Variants in LINGO2 observed in about 807,000 individuals in gnomAD.
The protein encoded by LINGO2 is leucine-rich repeat and immunoglobulin-like domain-containing nogo receptor-interacting protein 2.
A neutral mutation model predicts 30.6 loss-of-function variants in LINGO2; 14 were observed. That is an observed-to-expected ratio of 0.46 (90% CI 0.30 to 0.72). The LOEUF is 0.72. Among genes scored for constraint, LINGO2 ranks in the 30% least tolerant of loss-of-function variants. LINGO2 has a pLI of 0.07. For synonymous variants in LINGO2, 317 were observed against 288.5 expected (o/e 1.10, Z -1.00); for missense variants, 729 against 751.7 (o/e 0.97, Z 0.35).
chr9:28,743,552 G>A, the LINGO2 span, among the ~76,000 whole-genome samples: 1 of 151,930 alleles, frequency 6.6e-6, no homozygotes, highest in Non-Finnish European at 1.5e-5. Context: ...ATTTTTAAAA[G>A]GTAGTTTTGC....
the LINGO2 span, among the ~76,000 whole-genome samples, chr9:29,165,993 T>C: frequency 2.0e-5 from 3 of 152,126 alleles, no homozygotes; most frequent in African/African-American, 7.2e-5. Context: ...TGTATGTGTC[T>C]GTGTGTGTAC....
intron 3 of LINGO2, among the ~76,000 whole-genome samples, chr9:28,362,140 T>C (rs1820470400): frequency 1.3e-5 from 2 of 152,228 alleles, no homozygotes; most frequent in Admixed American, 6.5e-5. Flanking sequence ...TGCAATTTCA[T>C]AAAGGTCCAC....
chr9:28,855,620 T>C, the LINGO2 span, among the ~76,000 whole-genome samples: 1 of 151,834 alleles, frequency 6.6e-6, no homozygotes, highest in South Asian at 2.1e-4. Flanking sequence ...TTGATACACA[T>C]GCCAAAGAAA....
At position 28,647,700 on chromosome 9, in the gene LINGO2, G is replaced by C. The variant is rs375887661; in HGVS notation, c.-365+22500C>G. On this transcript the variant is annotated intron_variant, in intron 1 of 5. Coordinates refer to ENST00000379992, the Ensembl canonical transcript of LINGO2. ...TATGTAAAGGTTATCTTGCCCTTCA[G>C]GGATTCAAAAATAACTAGCCTTTGA... is the stretch of plus-strand genomic sequence containing the variant. Among the ~76,000 whole-genome samples the C allele has an allele frequency of 3.9e-5, 6 of 152,004 alleles. No individual in the cohort carries two copies. In the East Asian group the frequency reaches 7.7e-4, roughly 20 times the overall value.
intron 3 of LINGO2, among the ~76,000 whole-genome samples, chr9:28,308,847 G>C (rs1182141064): frequency 6.6e-6 from 1 of 152,126 alleles, no homozygotes; most frequent in Non-Finnish European, 1.5e-5. Context: ...ACCATCACTG[G>C]CCATCAGAGA....
the LINGO2 span, among the ~76,000 whole-genome samples, chr9:29,102,395 T>A: frequency 1.3e-5 from 2 of 152,112 alleles, no homozygotes; most frequent in Admixed American, 6.6e-5. Flanking sequence ...TGCAGCTTTT[T>A]AAAAAAATAA....
chr9:29,172,534 T>C, the LINGO2 span, among the ~76,000 whole-genome samples: 1 of 151,972 alleles, frequency 6.6e-6, no homozygotes, highest in African/African-American at 2.4e-5. Context: ...AGGTTTTAAA[T>C]TTCGGTCACT....
At chr9:28,444,784 G>C (rs1824357966) in intron 2 of LINGO2, among the ~76,000 whole-genome samples, 3 of 152,174 alleles carry the variant, frequency 2.0e-5, no homozygotes, top group Admixed American at 2.0e-4. Context: ...CAGTATGCCT[G>C]GCTGTGTGCA....
At chr9:28,243,742 A>G (rs899146665) in intron 4 of LINGO2, among the ~76,000 whole-genome samples, 2 of 152,190 alleles carry the variant, frequency 1.3e-5, no homozygotes, top group African/African-American at 4.8e-5. Flanking sequence ...GCGTTACATA[A>G]TGGTAAAGAG....
At chr9:29,143,979 C>A in the LINGO2 span, among the ~76,000 whole-genome samples, 3 of 152,148 alleles carry the variant, frequency 2.0e-5, no homozygotes, top group Admixed American at 2.0e-4. Flanking sequence ...TGTCAATTTT[C>A]TGCATATGGC....
the LINGO2 span, among the ~76,000 whole-genome samples, chr9:29,115,849 C>G: frequency 6.6e-6 from 1 of 151,926 alleles, no homozygotes; most frequent in Non-Finnish European, 1.5e-5. Context: ...TTCACAATCA[C>G]AAACATAAAT....
intron 4 of LINGO2, among the ~76,000 whole-genome samples, chr9:28,059,359 C>T (rs12340962): frequency 2.0e-5 from 3 of 151,952 alleles, no homozygotes; most frequent in South Asian, 2.1e-4. Flanking sequence ...TGATGCCCCC[C>T]CACCCCACCG....
At position 28,071,680 on chromosome 9, in the gene LINGO2, G is replaced by A. The variant is rs148195228; in HGVS notation, c.-86-59275C>T. Among the ~76,000 whole-genome samples the A allele has an allele frequency of 2.0e-3, 309 of 151,914 alleles. 1 individual carries two copies. The highest frequency in any genetic ancestry group is 0.012 in the South Asian group (59 of 4,786). Reference sequence around the variant, plus strand: ...AAGGCTCACAGGTATTGTGTACTTTGGCAAAAATTAGCCAATAAATGAGTG... The same window carrying A: ...AAGGCTCACAGGTATTGTGTACTTTAGCAAAAATTAGCCAATAAATGAGTG... On this transcript the variant is annotated intron_variant, in intron 4 of 5. Coordinates refer to ENST00000379992, the Ensembl canonical transcript of LINGO2.
chr9:28,687,369 T>C, the LINGO2 span, among the ~76,000 whole-genome samples: 1 of 152,150 alleles, frequency 6.6e-6, no homozygotes, highest in Non-Finnish European at 1.5e-5. Context: ...TGACTTCATG[T>C]TAATTTTCAG....
the LINGO2 span, among the ~76,000 whole-genome samples, chr9:28,989,691 A>T: frequency 3.9e-5 from 6 of 152,224 alleles, no homozygotes; most frequent in East Asian, 9.6e-4. Context: ...TATTACAAAG[A>T]ATACAAAATG....
At chr9:28,935,117 G>T in the LINGO2 span, among the ~76,000 whole-genome samples, 1 of 151,548 alleles carries the variant, frequency 6.6e-6, no homozygotes, top group Non-Finnish European at 1.5e-5. Flanking sequence ...ACAAAAAAAA[G>T]GATATATATA....
chr9:28,482,234 C>T (rs972986961), intron 1 of LINGO2, among the ~76,000 whole-genome samples: 2 of 151,812 alleles, frequency 1.3e-5, no homozygotes, highest in Non-Finnish European at 2.9e-5. Context: ...GTTTACAGTC[C>T]CACCAACAGT....
At chr9:28,573,694 G>A (rs963579340) in intron 1 of LINGO2, among the ~76,000 whole-genome samples, 10 of 152,054 alleles carry the variant, frequency 6.6e-5, no homozygotes, top group African/African-American at 2.4e-4. Flanking sequence ...GTCGTGGCAA[G>A]GTTATATTTT....
chr9:28,953,738 T>C, the LINGO2 span, among the ~76,000 whole-genome samples: 1 of 152,124 alleles, frequency 6.6e-6, no homozygotes, highest in African/African-American at 2.4e-5. Flanking sequence ...TTTAAAGTTA[T>C]TGTAGAATAC....
Sources: gnomAD v4.1 joint callset for allele counts (sites outside exome capture counted in the v4.1 genomes callset) on GRCh38, gnomAD v4.1.1 for gene constraint, MANE v1.5 for transcripts, NCBI Gene and HGNC (gene_info 2026-07-23, HGNC 2026-07-21) for gene names.